Variants in ZNF683 observed in about 807,000 individuals in gnomAD.
The protein encoded by ZNF683 is zinc finger protein 683.
A neutral mutation model predicts 31.4 loss-of-function variants in ZNF683; 20 were observed. The ratio of observed to expected loss-of-function variants is 0.64; its 90% CI spans 0.45 to 0.93. The LOEUF (loss-of-function observed/expected upper bound fraction) is 0.93. Among genes scored for constraint, ZNF683 ranks in the 40% least tolerant of loss-of-function variants. The pLI is 0.00. For synonymous variants in ZNF683, 264 were observed against 267.6 expected (o/e 0.99, Z 0.13); for missense variants, 621 against 637.2 (o/e 0.97, Z 0.27).
upstream of ZNF683, chr1:26,374,392 G>T: frequency 1.6e-6 from 2 of 1,272,288 alleles, no homozygotes; most frequent in Non-Finnish European, 2.1e-6. Flanking sequence ...AAATGGCCTT[G>T]GAGATTTCCA....
chr1:26,366,673 T>C (rs1243159259), intron 3 of ZNF683, among the ~76,000 whole-genome samples: 3 of 152,122 alleles, frequency 2.0e-5, no homozygotes, highest in Admixed American at 6.6e-5. Context: ...TGCTTTTTTT[T>C]TGAGATGGAG....
At chr1:26,373,461 C>G (rs1367956340), upstream of ZNF683, 2 of 152,394 alleles carry the variant, frequency 1.3e-5, no homozygotes, top group African/African-American at 4.8e-5. Context: ...CTCTCTACAA[C>G]AAAGGCTGTG....
chr1:26,369,785 T>C (rs1356749048), intron 1 of ZNF683, among the ~76,000 whole-genome samples: 1 of 150,108 alleles, frequency 6.7e-6, no homozygotes, highest in East Asian at 1.9e-4. Context: ...GCCGAGATCA[T>C]GTCACTGCAC....
At chr1:26,368,251 T>C (rs1306178118) in intron 2 of ZNF683, among the ~76,000 whole-genome samples, 1 of 152,214 alleles carries the variant, frequency 6.6e-6, no homozygotes, top group Admixed American at 6.5e-5. Context: ...CCGCTTCTTA[T>C]TCCCCACAGG....
At chr1:26,370,451 A>G (rs980333761) in intron 1 of ZNF683, among the ~76,000 whole-genome samples, 1 of 152,130 alleles carries the variant, frequency 6.6e-6, no homozygotes, top group Non-Finnish European at 1.5e-5. Flanking sequence ...AGCACAGGGA[A>G]CACTTCAGCC....
In ZNF683 at chr1:26,363,122, T is replaced by TG; in HGVS notation, c.1046dup (p.Phe350IlefsTer43). 5 of 1,612,734 alleles carry TG rather than the reference T, an allele frequency of 3.1e-6. No individual in the cohort carries two copies. The highest frequency in any genetic ancestry group is 4.2e-6 in the Non-Finnish European group (5 of 1,179,384). On this transcript the variant is annotated frameshift_variant, in exon 5 of 6. Coordinates refer to ENST00000349618, the MANE Select transcript of ZNF683 (RefSeq NM_001114759.3). LOFTEE classifies it high-confidence loss of function. ...TCTTCTGGCACAAGGCACACTGGAA[T>TG]GGACGCTCTCCACTGTGCACACGCA...
At chr1:26,368,971 G>A (rs149696305) in intron 1 of ZNF683, among the ~76,000 whole-genome samples, 6 of 151,960 alleles carry the variant, frequency 3.9e-5, no homozygotes, top group South Asian at 2.1e-4. Flanking sequence ...TATGGTGGGC[G>A]GGGTGGCTCA....
Position 26,372,712 on chromosome 1 carries a change from G to T in ZNF683, c.-58C>A. On this transcript the variant is annotated 5_prime_UTR_variant, in exon 1 of 6. Coordinates refer to ENST00000349618, the MANE Select transcript of ZNF683 (RefSeq NM_001114759.3). ...TCCTTGGCTTGGGTCTCTGGTCTGG[G>T]TCAAGGCATCTGCTCAGGTTCCTCA... 7.9e-7 allele frequency: 1 copy of T among 1,260,462 alleles called. No homozygotes were observed. The highest frequency in any genetic ancestry group is 1.0e-6 in the Non-Finnish European group (1 of 971,352). The allele number at this position is 1,260,462 out of a possible 1,614,324, so 78.1% of individuals were successfully genotyped here. A position where few individuals can be genotyped will look rare whatever the true frequency, so the allele number is the denominator to read the frequency against.
chr1:26,362,234 G>A, intron 5 of ZNF683: 2 of 1,526,874 alleles, frequency 1.3e-6, no homozygotes, highest in Non-Finnish European at 8.9e-7. Context: ...GTGTGACCTT[G>A]TAAAAGTAAC....
chr1:26,367,877 G>C lies in ZNF683; in HGVS notation c.115-80C>G, dbSNP rs535282245. On this transcript the variant is annotated intron_variant, in intron 2 of 5. Coordinates refer to ENST00000349618, the MANE Select transcript of ZNF683 (RefSeq NM_001114759.3). Reference sequence around the variant, plus strand: ...CTTAGATGGCCCCTACCCCTATTTTGTTTTCCAAAGGGGAGAATAAGCTAA... The same window carrying C: ...CTTAGATGGCCCCTACCCCTATTTTCTTTTCCAAAGGGGAGAATAAGCTAA... 1.4e-5 allele frequency: 17 copies of C among 1,185,038 alleles called. No homozygotes were observed. The African/African-American group carries it at 2.5e-4, about 18-fold the overall frequency. The allele number at this position is 1,185,038 out of a possible 1,614,324, so 73.4% of individuals were successfully genotyped here.
chr1:26,363,166 G>T lies in ZNF683; in HGVS notation c.1015-12C>A. The stretch of plus-strand genomic sequence containing the variant: ...ACACGCAGGTGGACCTGAGTCAGAT[G>T]CGGGATAAATGCTGCCAACTGCCCA... On this transcript the variant is annotated splice_polypyrimidine_tract_variant and intron_variant, in intron 4 of 5. Transcript: ENST00000349618. 6.3e-7 allele frequency: 1 copy of T among 1,599,806 alleles called. No homozygotes were observed. The highest frequency in any genetic ancestry group is 8.6e-7 in the Non-Finnish European group (1 of 1,169,424).
intron 5 of ZNF683, chr1:26,362,297 T>C: frequency 1.1e-6 from 1 of 934,434 alleles, no homozygotes; most frequent in Non-Finnish European, 1.7e-6. Flanking sequence ...TATTAATACC[T>C]AGCTTCATAG....
rs767117529 is a variant in ZNF683 at position 26,364,937 on chromosome 1, G to A, written c.609C>T (p.Pro203=). ...GTAGGGCCCCATAGGTGAACAGGTGGGGTGGAGGCAGGAGAAGTGGGTATC... is the reference window on the plus strand; with the variant it reads ...GTAGGGCCCCATAGGTGAACAGGTGAGGTGGAGGCAGGAGAAGTGGGTATC... ...YPGYPLLLPP[P]HLFTYGALPS... The change falls in exon 4 of 6, where the codon CCC becomes CCT. Residue 203 remains proline, a synonymous_variant. Transcript: ENST00000349618. 4 of 1,554,606 alleles carry A rather than the reference G, an allele frequency of 2.6e-6. No homozygotes were observed. The highest frequency in any genetic ancestry group is 2.2e-5 in the East Asian group (1 of 44,568).
intron 2 of ZNF683, among the ~76,000 whole-genome samples, 197 bp from the exon 3 acceptor site, chr1:26,367,994 A>G (rs1003313600): frequency 2.0e-5 from 3 of 152,056 alleles, no homozygotes; most frequent in African/African-American, 7.2e-5. Flanking sequence ...ACCCACCACA[A>G]GATTGCCCTC....
intron 4 of ZNF683, 73 bp from the exon 5 acceptor site, chr1:26,363,227 T>C: frequency 6.6e-7 from 1 of 1,517,252 alleles, no homozygotes; most frequent in Non-Finnish European, 8.9e-7. Flanking sequence ...TCTCCAAATC[T>C]CTGCCCACTT....
In ZNF683 at chr1:26,365,066, C is replaced by A. The variant is rs765766057; in HGVS notation, c.480G>T (p.Pro160=). The part of the protein sequence containing the change: ...FSSHNSSSPP[P]LQNRKSPSPL... ...GGCTGGGGCTCTTTCTGTTCTGCAG[C>A]GGTGGTGGGGAAGAGCTGTTATGAG... The change falls in exon 4 of 6, where the codon CCG becomes CCT. Residue 160 remains proline, a synonymous_variant. Transcript: ENST00000349618. 10 of 1,605,642 alleles carry A rather than the reference C, an allele frequency of 6.2e-6. No homozygotes were observed. Among genetic ancestry groups the A allele is most frequent in the Non-Finnish European group, 8.5e-6 (10 of 1,176,306 alleles).
Position 26,361,890 on chromosome 1 carries a change from G to C in ZNF683, c.1276C>G (p.Arg426Gly). Residue 426 changes from arginine to glycine, a missense_variant, in exon 6 of 6, where the codon CGG (arginine) becomes GGG (glycine). Coordinates refer to ENST00000349618, the MANE Select transcript of ZNF683 (RefSeq NM_001114759.3). ...TQHIHLKLHH[R>G]LHAPQPCGLV... is the part of the protein sequence containing the mutation. ...CCACAGGGCTGTGGGGCATGCAGCC[G>C]ATGGTGCAGCTTCAGGTGGATGTGC... 1 of 1,614,012 alleles carries C rather than the reference G, an allele frequency of 6.2e-7. No homozygotes were observed. The highest frequency in any genetic ancestry group is 8.5e-7 in the Non-Finnish European group (1 of 1,179,900).
intron 5 of ZNF683, 160 bp from the exon 6 acceptor site, chr1:26,362,182 C>T (rs1449037978): frequency 1.3e-6 from 2 of 1,582,134 alleles, no homozygotes; most frequent in Non-Finnish European, 1.7e-6. Context: ...GTATCTAGCA[C>T]ATTAGAACCA....
Position 26,364,600 on chromosome 1 carries a change from T to C in ZNF683, c.946A>G (p.Lys316Glu), listed in dbSNP as rs2074466517. The change falls in exon 4 of 6, where the codon AAG becomes GAG. Residue 316 changes from lysine to glutamate, a missense_variant. Transcript: ENST00000349618. The part of the protein sequence containing the change: ...TAALPYPLKK[K>E]NGKILYECNI... ...CACTCGTACAGGATTTTGCCATTCT[T>C]CTTTTTCAGCGGGTAAGGCAAGGCT... The C allele has an allele frequency of 6.2e-7, 1 of 1,613,998 alleles. No individual in the cohort carries two copies. Among genetic ancestry groups the C allele is most frequent in the Non-Finnish European group, 8.5e-7 (1 of 1,179,898 alleles).
Sources: gnomAD v4.1 joint callset for allele counts (sites outside exome capture counted in the v4.1 genomes callset) on GRCh38, gnomAD v4.1.1 for gene constraint, MANE v1.5 for transcripts, NCBI Gene and HGNC (gene_info 2026-07-23, HGNC 2026-07-21) for gene names.